ATP9B: variants seen among roughly 807,000 people sequenced by gnomAD.
ATP9B encodes probable phospholipid-transporting ATPase IIB.
A neutral mutation model predicts 146.1 loss-of-function variants in ATP9B; 110 were observed. The observed-to-expected ratio is 0.75, with a 90% CI of 0.65 to 0.88. The LOEUF (loss-of-function observed/expected upper bound fraction) is 0.88. Among genes scored for constraint, ATP9B ranks in the 40% least tolerant of loss-of-function variants. The pLI, the probability that ATP9B is intolerant of heterozygous loss-of-function variation, is 0.00. For synonymous variants in ATP9B, 604 were observed against 569.7 expected (o/e 1.06, Z -0.86); for missense variants, 1,499 against 1,496.4 (o/e 1.00, Z -0.03).
At chr18:79,107,010 T>C (rs1308937819) in intron 2 of ATP9B, among the ~76,000 whole-genome samples, 1 of 152,266 alleles carries the variant, frequency 6.6e-6, no homozygotes, top group Non-Finnish European at 1.5e-5. Flanking sequence ...TAGATCTTAA[T>C]ATTTGATTTT....
At chr18:79,300,031 G>A (rs1476499884) in intron 13 of ATP9B, 4 of 152,304 alleles carry the variant, frequency 2.6e-5, no homozygotes, top group Admixed American at 1.3e-4. Context: ...TAAAAGCAAC[G>A]TACTAGAATG....
Position 79,099,908 on chromosome 18 carries a change from C to T in ATP9B, c.293+3259C>T, listed in dbSNP as rs559280216. Among the ~76,000 whole-genome samples, 229 of 152,174 alleles carry T rather than the reference C, an allele frequency of 1.5e-3. 3 individuals are homozygous for T. The highest frequency in any genetic ancestry group is 5.2e-3 in the African/African-American group (216 of 41,538). On this transcript the variant is annotated intron_variant, in intron 2 of 29. Coordinates refer to ENST00000426216, the MANE Select transcript of ATP9B (RefSeq NM_198531.5). ...TTGGGAGGCTGAGGCAGGTGGATCA[C>T]GAGGTCAAGAGATTGAGACCATCCT...
chr18:79,199,324 A>T (rs1424034420), intron 9 of ATP9B, among the ~76,000 whole-genome samples: 1 of 152,210 alleles, frequency 6.6e-6, no homozygotes, highest in East Asian at 1.9e-4. Flanking sequence ...TTTAATTTTT[A>T]AAAAATCTTT....
chr18:79,135,051 G>A (rs973216333), intron 5 of ATP9B, among the ~76,000 whole-genome samples: 9 of 152,174 alleles, frequency 5.9e-5, no homozygotes, highest in African/African-American at 2.2e-4. Flanking sequence ...ATGCTCAGCA[G>A]TTGTTTTGAA....
chr18:79,317,226 CA>C (rs575262913), intron 15 of ATP9B, among the ~76,000 whole-genome samples: 5 of 150,312 alleles, frequency 3.3e-5, no homozygotes, highest in Admixed American at 3.3e-4. Flanking sequence ...TCTAAGGACA[CA>C]AAAAAAGCAG....
At position 79,321,224 on chromosome 18, in the gene ATP9B, G is replaced by A. The variant is rs116500087; in HGVS notation, c.1774-7917G>A. Among the ~76,000 whole-genome samples the A allele has an allele frequency of 6.6e-3, 1,001 of 152,306 alleles. 6 individuals carry two copies. The highest frequency in any genetic ancestry group is 0.022 in the African/African-American group (933 of 41,552). On this transcript the variant is annotated intron_variant, in intron 15 of 29. Transcript: ENST00000426216. ...CAAAACCAAAACCGGAGAATCTGCC[G>A]TGTCCGTGGGAACCAGCCGTTCCTT...
intron 11 of ATP9B, among the ~76,000 whole-genome samples, chr18:79,227,459 G>GGTGA (rs1355069591): frequency 6.6e-6 from 1 of 151,566 alleles, no homozygotes. Context: ...TGGGTGGGTG[G>GGTGA]GTGAGTGAGT....
intron 7 of ATP9B, among the ~76,000 whole-genome samples, chr18:79,168,606 T>C (rs977471367): frequency 5.9e-5 from 9 of 152,158 alleles, no homozygotes; most frequent in African/African-American, 2.2e-4. Context: ...ACATCAGATA[T>C]TGCAGATAGG....
intron 7 of ATP9B, 78 bp downstream of exon 7, chr18:79,154,633 A>ATATCTATACAAATATCTAT (rs2094745889): frequency 6.2e-6 from 6 of 964,078 alleles, no homozygotes; most frequent in Non-Finnish European, 9.0e-6. Flanking sequence ...TACAAGGAAA[A>ATATCTATACAAATATCTAT]ACTGTTTTCC....
chr18:79,174,034 C>A, intron 7 of ATP9B: 1 of 323,464 alleles, frequency 3.1e-6, no homozygotes, highest in Non-Finnish European at 6.0e-6. Context: ...AGGAATTGAG[C>A]TGGACTGCAC....
chr18:79,286,420 G>A (rs1383086676), intron 13 of ATP9B, among the ~76,000 whole-genome samples: 1 of 150,752 alleles, frequency 6.6e-6, no homozygotes, highest in South Asian at 2.1e-4. Context: ...CTCTCTGTTT[G>A]TCTGTTATTG....
At chr18:79,264,672 GT>G (rs376441505) in intron 12 of ATP9B, among the ~76,000 whole-genome samples, 2,720 of 146,654 alleles carry the variant, frequency 0.019, 35 homozygotes, top group African/African-American at 0.033. Flanking sequence ...AGTGTTTTTT[GT>G]TTTTTTTTTT....
chr18:79,100,006 C>A (rs138113917), intron 2 of ATP9B, among the ~76,000 whole-genome samples: 199 of 152,094 alleles, frequency 1.3e-3, no homozygotes, highest in African/African-American at 4.7e-3. Context: ...GCACCTGTAG[C>A]CCCAGCTATG....
At chr18:79,251,190 G>T (rs544461793) in intron 11 of ATP9B, among the ~76,000 whole-genome samples, 3 of 152,352 alleles carry the variant, frequency 2.0e-5, no homozygotes, top group African/African-American at 7.2e-5. Flanking sequence ...CTGTGGCAGT[G>T]TGCGCAGGAC....
chr18:79,227,678 C>T (rs1035736725), intron 11 of ATP9B, among the ~76,000 whole-genome samples: 1 of 152,220 alleles, frequency 6.6e-6, no homozygotes, highest in Admixed American at 6.5e-5. Context: ...GCCCTCTTTA[C>T]ATCCCTCAGC....
In ATP9B at chr18:79,307,099, A is replaced by C. The variant is rs548448121; in HGVS notation, c.1638A>C (p.Lys546Asn). ...GTAGTCGAATCCATGAAGCCGTGAA[A>C]GCCATCGTGCTGTGTCACAACGTGA... ...SVSSRIHEAVKAIVLCHNVTP... is the reference protein window; with the variant it reads ...SVSSRIHEAVNAIVLCHNVTP... Residue 546 changes from lysine to asparagine, a missense_variant, in exon 15 of 30, where the codon AAA becomes AAC. Physicochemically the swap from Lys to Asn is moderately conservative, Grantham distance 94 (BLOSUM62 0). Transcript: ENST00000426216. 1.2e-6 allele frequency: 2 copies of C among 1,614,238 alleles called. No homozygotes were observed. The highest frequency in any genetic ancestry group is 1.1e-5 in the South Asian group (1 of 91,084).
intron 2 of ATP9B, among the ~76,000 whole-genome samples, chr18:79,105,774 A>C (rs1404264831): frequency 6.6e-6 from 1 of 152,182 alleles, no homozygotes; most frequent in Non-Finnish European, 1.5e-5. Context: ...GGAGGTATCA[A>C]ATGCTGGGAT....
rs755101075 is a variant in ATP9B at position 79,277,036 on chromosome 18, A to G, written c.1269-18A>G. 48 of 1,613,636 alleles carry G rather than the reference A, an allele frequency of 3.0e-5. 1 individual carries two copies. In the Middle Eastern group the frequency reaches 4.9e-4, roughly 17 times the overall value. On this transcript the variant is annotated intron_variant, in intron 12 of 29. Coordinates refer to ENST00000426216, the MANE Select transcript of ATP9B (RefSeq NM_198531.5). ...GCTCTGGATCACACTAACCACTGCA[A>G]TGGGTTTTATTTGGCAGTTTGCGTG...
At position 79,298,916 on chromosome 18, in the gene ATP9B, G is replaced by A. The variant is rs1224971616; in HGVS notation, c.1412-4688G>A. Among the ~76,000 whole-genome samples, 2 of 150,416 alleles carry A rather than the reference G, an allele frequency of 1.3e-5. 1 individual carries two copies. Among genetic ancestry groups the A allele is most frequent in the African/African-American group, 4.9e-5 (2 of 40,910 alleles). The stretch of plus-strand genomic sequence containing the variant: ...ACTTTCTTAATTCCTGTTTCTTGTT[G>A]AGGGCCAGCCTCCCTGAGCAAGGCA... On this transcript the variant is annotated intron_variant, in intron 13 of 29. Coordinates refer to ENST00000426216, the MANE Select transcript of ATP9B (RefSeq NM_198531.5).
Sources: gnomAD v4.1 joint callset for allele counts (sites outside exome capture counted in the v4.1 genomes callset) on GRCh38, gnomAD v4.1.1 for gene constraint, MANE v1.5 for transcripts, NCBI Gene and HGNC (gene_info 2026-07-23, HGNC 2026-07-21) for gene names.